The following MAGI2 variants were observed in gnomAD, a reference collection of about 807,000 sequenced individuals.
MAGI2 encodes the protein membrane associated guanylate kinase, WW and PDZ domain containing 2.
MAGI2 carries 35 observed loss-of-function variants against 133.3 expected under a neutral mutation model. The ratio of observed to expected loss-of-function variants is 0.26; its 90% CI spans 0.20 to 0.35. MAGI2 has a LOEUF of 0.35. Among genes scored for constraint, MAGI2 ranks in the 10% least tolerant of loss-of-function variants. The probability of loss-of-function intolerance (pLI) is 1.00; values close to 1 mark genes in which losing one functional copy is unlikely to be tolerated. For synonymous variants in MAGI2, 729 were observed against 710.6 expected, an observed-to-expected ratio of 1.03 and a Z score of -0.41; for missense variants, 1,636 against 1,863.4, an observed-to-expected ratio of 0.88 and a Z score of 2.25.
At chr7:78,314,249 T>C (rs1365361382) in intron 9 of MAGI2, among the ~76,000 whole-genome samples, 2 of 152,208 alleles carry the variant, frequency 1.3e-5, no homozygotes, top group Non-Finnish European at 2.9e-5. Flanking sequence ...TTTTATATGA[T>C]ATACTCATAG....
At chr7:79,141,628 A>G (rs568484687) in intron 1 of MAGI2, among the ~76,000 whole-genome samples, 6 of 152,286 alleles carry the variant, frequency 3.9e-5, no homozygotes, top group South Asian at 2.1e-4. Context: ...TCAATAATCA[A>G]TGCAAATGGC....
At chr7:78,736,346 C>T (rs550770305) in intron 2 of MAGI2, among the ~76,000 whole-genome samples, 139 of 152,186 alleles carry the variant, frequency 9.1e-4, no homozygotes, top group Middle Eastern at 6.8e-3. Flanking sequence ...ATTACTTTAG[C>T]GACGCTCTGC....
chr7:78,858,836 G>T (rs940465723), intron 2 of MAGI2, among the ~76,000 whole-genome samples: 1 of 152,144 alleles, frequency 6.6e-6, no homozygotes, highest in Non-Finnish European at 1.5e-5. Flanking sequence ...TGACAGTGGG[G>T]TGTTAAAGTC....
intron 1 of MAGI2, among the ~76,000 whole-genome samples, chr7:79,340,867 G>A (rs1218711650): frequency 1.3e-5 from 2 of 152,104 alleles, no homozygotes; most frequent in African/African-American, 2.4e-5. Flanking sequence ...CCATTTACCT[G>A]AGGTTTCAGG....
intron 3 of MAGI2, among the ~76,000 whole-genome samples, chr7:78,530,237 A>C (rs975836969): frequency 1.7e-4 from 25 of 151,176 alleles, no homozygotes; most frequent in Admixed American, 3.3e-4. Flanking sequence ...ACAATGTGTC[A>C]ATGATATTTC....
chr7:78,035,254 G>C (rs1037766716), intron 21 of MAGI2: 1 of 141,066 alleles, frequency 7.1e-6, no homozygotes, highest in Non-Finnish European at 1.6e-5. Flanking sequence ...AAGCAGAGAG[G>C]GAGGGATCAG....
intron 2 of MAGI2, among the ~76,000 whole-genome samples, chr7:78,825,850 C>G (rs1308083803): frequency 3.9e-5 from 6 of 152,122 alleles, no homozygotes; most frequent in Admixed American, 1.3e-4. Flanking sequence ...TGAGATGTCT[C>G]CAACCGATTT....
At chr7:78,737,956 C>A (rs1262843248) in intron 2 of MAGI2, among the ~76,000 whole-genome samples, 1 of 151,958 alleles carries the variant, frequency 6.6e-6, no homozygotes, top group East Asian at 1.9e-4. Flanking sequence ...TTACTCTGAC[C>A]CAAAGGCCAT....
At chr7:78,290,399 A>T (rs1562763313) in intron 9 of MAGI2, among the ~76,000 whole-genome samples, 1 of 152,368 alleles carries the variant, frequency 6.6e-6, no homozygotes, top group East Asian at 1.9e-4. Context: ...AGAGCTAACT[A>T]TCCTAAATAT....
At chr7:78,551,935 A>G (rs1454892835) in intron 3 of MAGI2, among the ~76,000 whole-genome samples, 2 of 152,090 alleles carry the variant, frequency 1.3e-5, no homozygotes, top group African/African-American at 4.8e-5. Flanking sequence ...TGTAAAGACA[A>G]AGTTTTGCCA....
At chr7:79,198,075 C>A (rs530837951) in intron 1 of MAGI2, among the ~76,000 whole-genome samples, 1 of 151,450 alleles carries the variant, frequency 6.6e-6, no homozygotes, top group Non-Finnish European at 1.5e-5. Context: ...AGTGAGACCC[C>A]GATTCTACAT....
chr7:79,292,467 AT>A (rs1836561658), intron 1 of MAGI2, among the ~76,000 whole-genome samples: 1 of 151,620 alleles, frequency 6.6e-6, no homozygotes, highest in African/African-American at 2.4e-5. Context: ...ACCAAAAAAA[AT>A]AAAAAAATAA....
intron 21 of MAGI2, among the ~76,000 whole-genome samples, chr7:78,066,955 G>A (rs1460486104): frequency 6.6e-6 from 1 of 152,176 alleles, no homozygotes; most frequent in Non-Finnish European, 1.5e-5. Context: ...GCTTCAATGT[G>A]CAGAATGGAA....
chr7:78,461,943 A>AG (rs1268741293), intron 6 of MAGI2, among the ~76,000 whole-genome samples: 22,373 of 140,264 alleles, frequency 0.16, 2,385 homozygotes, highest in African/African-American at 0.21. Context: ...AAAAAAAAAA[A>AG]AAAAGAAAGA....
intron 18 of MAGI2, among the ~76,000 whole-genome samples, chr7:78,128,898 G>T (rs1262488495): frequency 1.3e-5 from 2 of 152,142 alleles, no homozygotes; most frequent in African/African-American, 4.8e-5. Context: ...GCTGAGAATA[G>T]AATTATTTAA....
intron 1 of MAGI2, among the ~76,000 whole-genome samples, chr7:79,368,455 T>C (rs1280351548): frequency 6.6e-6 from 1 of 152,182 alleles, no homozygotes; most frequent in African/African-American, 2.4e-5. Flanking sequence ...TGTTATTTTT[T>C]AGAGCCAAAC....
chr7:79,210,965 A>G (rs1241512497), intron 1 of MAGI2, among the ~76,000 whole-genome samples: 2 of 152,062 alleles, frequency 1.3e-5, no homozygotes, highest in Non-Finnish European at 2.9e-5. Flanking sequence ...AACCATAAAA[A>G]TGTTCATTAT....
At chr7:79,131,948 G>A (rs529262605) in intron 1 of MAGI2, among the ~76,000 whole-genome samples, 100 of 151,992 alleles carry the variant, frequency 6.6e-4, no homozygotes, top group African/African-American at 2.2e-3. Context: ...ACTTAAATAC[G>A]TGTAAACACA....
intron 1 of MAGI2, among the ~76,000 whole-genome samples, chr7:79,076,203 T>C (rs892084047): frequency 6.6e-6 from 1 of 152,130 alleles, no homozygotes; most frequent in African/African-American, 2.4e-5. Context: ...CTTCAAACTT[T>C]CCATTGCATC....
Sources: gnomAD v4.1 joint callset for allele counts (sites outside exome capture counted in the v4.1 genomes callset) on GRCh38, gnomAD v4.1.1 for gene constraint, MANE v1.5 for transcripts, NCBI Gene and HGNC (gene_info 2026-07-23, HGNC 2026-07-21) for gene names.